SUCLG1: variants seen among roughly 807,000 people sequenced by gnomAD.
SUCLG1 encodes the protein succinate-CoA ligase GDP/ADP-forming subunit alpha.
A neutral mutation model predicts 37.3 loss-of-function variants in SUCLG1; 26 were observed. The ratio of observed to expected loss-of-function variants is 0.70; its 90% CI spans 0.51 to 0.97. The LOEUF (loss-of-function observed/expected upper bound fraction) is 0.97, where lower values mean the gene tolerates loss of function less well. SUCLG1 is among the 50% of genes least tolerant of loss of function. SUCLG1 has a pLI of 0.00. For missense variants in SUCLG1, 433 were observed against 432.9 expected, an observed-to-expected ratio of 1.00 and a Z score of 0.00; for synonymous variants, 163 against 155.6, an observed-to-expected ratio of 1.05 and a Z score of -0.36.
At chr2:84,444,867 T>C (rs941302419) in intron 2 of SUCLG1, among the ~76,000 whole-genome samples, 3 of 152,198 alleles carry the variant, frequency 2.0e-5, no homozygotes, top group Non-Finnish European at 4.4e-5. Context: ...TGAAAAAATA[T>C]GGCTCTGTTC....
chr2:84,453,508 G>A (rs962482007), intron 1 of SUCLG1, among the ~76,000 whole-genome samples: 18 of 151,766 alleles, frequency 1.2e-4, no homozygotes, highest in African/African-American at 3.1e-4. Context: ...TCCACCTCTC[G>A]GGTTCAAGCA....
chr2:84,452,595 CCA>C (rs1672957116), intron 1 of SUCLG1, among the ~76,000 whole-genome samples: 1 of 152,022 alleles, frequency 6.6e-6, no homozygotes, highest in African/African-American at 2.4e-5. Context: ...ACAATAAACA[CCA>C]TCACACACTA....
chr2:84,441,140 A>G, intron 4 of SUCLG1, 36 bp from the exon 5 acceptor site: 1 of 1,613,992 alleles, frequency 6.2e-7, no homozygotes, highest in Non-Finnish European at 8.5e-7. Flanking sequence ...ATGTTAAAAA[A>G]AAAAGTCACT....
chr2:84,447,205 A>T (rs1672862822), intron 2 of SUCLG1, among the ~76,000 whole-genome samples: 1 of 152,254 alleles, frequency 6.6e-6, no homozygotes, highest in Non-Finnish European at 1.5e-5. Context: ...ATGCAGATTT[A>T]CTGTGGAAGT....
chr2:84,447,926 C>A (rs1672874111), intron 2 of SUCLG1, among the ~76,000 whole-genome samples: 2 of 151,960 alleles, frequency 1.3e-5, no homozygotes, highest in South Asian at 4.2e-4. Context: ...GAGATGGAAT[C>A]CCACCATGTT....
intron 7 of SUCLG1, chr2:84,426,461 G>A (rs1465818335): frequency 6.6e-6 from 1 of 152,080 alleles, no homozygotes; most frequent in African/African-American, 2.4e-5. Flanking sequence ...GAGGTCAAGA[G>A]ATCGAGACCA....
intron 3 of SUCLG1, among the ~76,000 whole-genome samples, chr2:84,441,921 T>C (rs1444124726): frequency 1.3e-5 from 2 of 152,208 alleles, no homozygotes; most frequent in African/African-American, 2.4e-5. Context: ...CTACATTACA[T>C]AGTTTTCTAC....
chr2:84,441,426 T>C lies in SUCLG1; in HGVS notation c.352A>G (p.Ile118Val), dbSNP rs181953896. 10 of 1,614,158 alleles carry C rather than the reference T, an allele frequency of 6.2e-6. No individual in the cohort carries two copies. In the East Asian group the frequency reaches 2.2e-4, roughly 36 times the overall value. ...KEQTGATASV[I>V]YVPPPFAAAA... The stretch of plus-strand genomic sequence containing the variant: ...GCAGCAAAAGGCGGAGGAACATAAA[T>C]GACAGAAGCCGTTGCTCCTGTCTGT... Residue 118 changes from isoleucine to valine, a missense_variant, in exon 4 of 9, where the codon ATT (isoleucine) becomes GTT (valine). Transcript: ENST00000393868.
intron 1 of SUCLG1, among the ~76,000 whole-genome samples, chr2:84,451,637 G>A (rs1327878086): frequency 6.6e-6 from 1 of 152,104 alleles, no homozygotes; most frequent in Non-Finnish European, 1.5e-5. Context: ...TCAGATCTTT[G>A]GTGCTCATAA....
chr2:84,449,497 A>G (rs1672903174), intron 2 of SUCLG1, 152 bp downstream of exon 2: 2 of 570,750 alleles, frequency 3.5e-6, no homozygotes, highest in South Asian at 5.7e-5. Context: ...TGACAATAGC[A>G]ACTAACCTCC....
chr2:84,441,213 T>G lies in SUCLG1; in HGVS notation c.531+34A>C, dbSNP rs200415851. 1.4e-3 allele frequency: 2,261 copies of G among 1,613,734 alleles called. 4 individuals are homozygous for G. The highest frequency in any genetic ancestry group is 1.7e-3 in the Non-Finnish European group (2,019 of 1,179,622). On this transcript the variant is annotated intron_variant, in intron 4 of 8. Transcript: ENST00000393868. ...AAGCTGTTTAGCCTTGTGAGAGGCT[T>G]AATCTGAGTTTCTTTTTGTTTTTTT...
intron 1 of SUCLG1, among the ~76,000 whole-genome samples, chr2:84,454,572 G>A (rs1164148343): frequency 6.6e-6 from 1 of 152,168 alleles, no homozygotes; most frequent in Non-Finnish European, 1.5e-5. Context: ...ACAGGCTCAG[G>A]CCCTACCCAC....
rs116492610 is a variant in SUCLG1, at chr2:84,449,640, T to C, written c.201+9A>G. ...CTACATTTGAAAATAAAAATCTAGA[T>C]ATACATACCTGTTTGCCAGTGAAAC... On this transcript the variant is annotated intron_variant, in intron 2 of 8. Transcript: ENST00000393868. 2,613 of 1,540,418 alleles carry C rather than the reference T, an allele frequency of 1.7e-3. 44 individuals are homozygous for C. In the African/African-American group the frequency reaches 0.033, roughly 19 times the overall value.
intron 1 of SUCLG1, among the ~76,000 whole-genome samples, chr2:84,452,967 C>A (rs1236799447): frequency 6.6e-6 from 1 of 152,192 alleles, no homozygotes; most frequent in Non-Finnish European, 1.5e-5. Flanking sequence ...GGGAAAAGAA[C>A]CCTATATCTA....
chr2:84,458,721 G>A (rs1673080320), intron 1 of SUCLG1, among the ~76,000 whole-genome samples: 2 of 152,076 alleles, frequency 1.3e-5, no homozygotes, highest in South Asian at 4.1e-4. Flanking sequence ...GGACCTTTCC[G>A]TACTAGGGAC....
chr2:84,454,287 T>C (rs561776337), intron 1 of SUCLG1, among the ~76,000 whole-genome samples: 1 of 152,364 alleles, frequency 6.6e-6, no homozygotes, highest in South Asian at 2.1e-4. Context: ...TATGCACAAA[T>C]ATACCTCTAA....
intron 5 of SUCLG1, among the ~76,000 whole-genome samples, chr2:84,436,700 C>T (rs2045675): frequency 0.81 from 123,155 of 152,166 alleles, 52,653 homozygotes; most frequent in Non-Finnish European, 0.93. Context: ...TTTGAATATC[C>T]TGACCACACA....
rs765747322 is a variant in SUCLG1, at chr2:84,459,277, T to C, written c.-8A>G. On this transcript the variant is annotated 5_prime_UTR_variant, in exon 1 of 9. Coordinates refer to ENST00000393868, the MANE Select transcript of SUCLG1 (RefSeq NM_003849.4). ...GGCAAGGGTTGCGGTCATACGCCAA[T>C]GACACTCCCAGGCCCCCGGGGACCT... 15 of 1,550,016 alleles carry C rather than the reference T, an allele frequency of 9.7e-6. No individual in the cohort carries two copies. The East Asian group carries it at 2.9e-4, about 30-fold the overall frequency.
In SUCLG1 at chr2:84,447,225, A is replaced by C. The variant is rs1672863038; in HGVS notation, c.201+2424T>G. Among the ~76,000 whole-genome samples, 4 of 152,346 alleles carry C rather than the reference A, an allele frequency of 2.6e-5. No individual in the cohort carries two copies. In the South Asian group the frequency reaches 8.3e-4, roughly 32 times the overall value. On this transcript the variant is annotated intron_variant, in intron 2 of 8. Transcript: ENST00000393868. ...GATTTACTGTGGAAGTAAGTTCTAA[A>C]CTTCAGACCTCACCATTATCTCTAA... is the stretch of plus-strand genomic sequence containing the variant.
Sources: allele counts gnomAD v4.1 joint callset (sites outside exome capture counted in the v4.1 genomes callset), GRCh38; gene constraint gnomAD v4.1.1; transcripts MANE v1.5; gene names NCBI Gene and HGNC (gene_info 2026-07-23, HGNC 2026-07-21).